PCDHA1: variants seen among roughly 807,000 people sequenced by gnomAD.
The protein encoded by PCDHA1 is protocadherin alpha-1.
A neutral mutation model predicts 61.3 loss-of-function variants in PCDHA1; 42 were observed. The observed-to-expected ratio is 0.69, with a 90% CI of 0.54 to 0.89. The LOEUF (loss-of-function observed/expected upper bound fraction) is 0.89, where lower values mean the gene tolerates loss of function less well. Ranked by LOEUF, PCDHA1 falls within the 40% of genes least tolerant of loss-of-function variation. The probability of loss-of-function intolerance (pLI) is 0.00; values close to 1 mark genes in which losing one functional copy is unlikely to be tolerated. For missense variants in PCDHA1, 1,256 were observed against 1,235.3 expected, an observed-to-expected ratio of 1.02 and a Z score of -0.25; for synonymous variants, 610 against 553.8, an observed-to-expected ratio of 1.10 and a Z score of -1.43.
intron 1 of PCDHA1, among the ~76,000 whole-genome samples, chr5:140,946,209 T>C (rs2153672553): frequency 6.6e-6 from 1 of 152,022 alleles, no homozygotes; most frequent in East Asian, 1.9e-4. Flanking sequence ...AGCACACAAA[T>C]GACCAACAGG....
chr5:140,850,566 G>GTGAC (rs1554144512), intron 1 of PCDHA1: 1 of 1,598,448 alleles, frequency 6.3e-7, no homozygotes, highest in Admixed American at 1.7e-5. Flanking sequence ...GGGCCCCGAG[G>GTGAC]TGACGCTGGT....
chr5:140,930,055 A>G (rs1249446079), intron 1 of PCDHA1: 2 of 152,206 alleles, frequency 1.3e-5, no homozygotes, highest in Admixed American at 6.5e-5. Context: ...GTTTTTGCTT[A>G]CACAAAAACT....
At chr5:140,853,997 T>C in intron 1 of PCDHA1, 1 of 465,218 alleles carries the variant, frequency 2.1e-6, no homozygotes, top group Non-Finnish European at 2.9e-6. Flanking sequence ...GACTCATCTC[T>C]GCCAAAAAAA....
chr5:140,970,018 C>G (rs1383957568), intron 1 of PCDHA1, among the ~76,000 whole-genome samples: 9 of 151,942 alleles, frequency 5.9e-5, no homozygotes, highest in African/African-American at 2.2e-4. Context: ...GATGGTGAGG[C>G]AGAGAGATTA....
At chr5:140,966,267 G>T (rs141363782) in intron 1 of PCDHA1, 112 of 351,092 alleles carry the variant, frequency 3.2e-4, no homozygotes, top group Non-Finnish European at 4.7e-4. Context: ...GAGACTGGAT[G>T]AACTGGACAG....
intron 1 of PCDHA1, among the ~76,000 whole-genome samples, chr5:140,840,117 TG>T (rs1426116905): frequency 6.6e-6 from 1 of 151,944 alleles, no homozygotes; most frequent in African/African-American, 2.4e-5. Flanking sequence ...GAGTGAAAGC[TG>T]TACTAATAAG....
intron 1 of PCDHA1, chr5:140,836,897 G>C: frequency 3.3e-6 from 2 of 603,578 alleles, no homozygotes; most frequent in Non-Finnish European, 5.5e-6. Flanking sequence ...TTGGAAGTAC[G>C]TTTAATATAC....
chr5:140,833,938 G>A, intron 1 of PCDHA1, among the ~76,000 whole-genome samples: 1 of 152,088 alleles, frequency 6.6e-6, no homozygotes, highest in East Asian at 1.9e-4. Flanking sequence ...TTGTCACTTA[G>A]GTTTCTATCT....
At chr5:140,803,650 C>G (rs1262612069) in intron 1 of PCDHA1, 2 of 1,611,864 alleles carry the variant, frequency 1.2e-6, no homozygotes, top group Non-Finnish European at 1.7e-6. Flanking sequence ...CTCAATGTTT[C>G]CACTCCTCTG....
intron 1 of PCDHA1, among the ~76,000 whole-genome samples, chr5:140,903,411 A>G (rs265314): frequency 0.015 from 2,274 of 152,338 alleles, 53 homozygotes; most frequent in African/African-American, 0.052. Flanking sequence ...TGCAGTCAGG[A>G]AAAATTCAGC....
intron 1 of PCDHA1, among the ~76,000 whole-genome samples, chr5:140,819,573 A>C (rs1194033373): frequency 6.6e-6 from 1 of 152,184 alleles, no homozygotes; most frequent in Non-Finnish European, 1.5e-5. Context: ...GCTTAGAAGA[A>C]GATTTTTTAA....
At chr5:140,976,894 CAGT>C (rs1199753516) in intron 1 of PCDHA1, among the ~76,000 whole-genome samples, 1 of 152,132 alleles carries the variant, frequency 6.6e-6, no homozygotes, top group African/African-American at 2.4e-5. Context: ...ATACATGCAA[CAGT>C]ATGTAATAAA....
At chr5:140,830,537 G>A (rs2150187557) in intron 1 of PCDHA1, 1 of 1,226,140 alleles carries the variant, frequency 8.2e-7, no homozygotes, top group Non-Finnish European at 1.1e-6. Flanking sequence ...ATTTATAATT[G>A]TTTTCCTCAT....
chr5:140,931,414 T>C (rs2087515742), intron 1 of PCDHA1, among the ~76,000 whole-genome samples: 1 of 151,886 alleles, frequency 6.6e-6, no homozygotes, highest in Non-Finnish European at 1.5e-5. Context: ...GGCTGATGAA[T>C]CTAGAAGTTA....
chr5:140,956,885 T>A (rs1156888418), intron 1 of PCDHA1, among the ~76,000 whole-genome samples: 1 of 152,194 alleles, frequency 6.6e-6, no homozygotes, highest in Non-Finnish European at 1.5e-5. Flanking sequence ...TAGATATCAA[T>A]GAATGAATAT....
rs1285443769 is a variant in PCDHA1, at chr5:141,010,273, G to A, written c.*336G>A. 3.9e-6 allele frequency: 6 copies of A among 1,551,420 alleles called. No individual in the cohort carries two copies. The African/African-American group carries it at 8.2e-5, about 21-fold the overall frequency. Reference sequence around the variant, plus strand: ...CTCTGCCCTGTGCTCCGGGGATCCTGTCTTGATGACACTTGCAGGGCAGGC... The same window carrying A: ...CTCTGCCCTGTGCTCCGGGGATCCTATCTTGATGACACTTGCAGGGCAGGC... On this transcript the variant is annotated 3_prime_UTR_variant, in exon 4 of 4. Coordinates refer to ENST00000504120, the MANE Select transcript of PCDHA1 (RefSeq NM_018900.4).
chr5:140,966,260 A>C, intron 1 of PCDHA1: 1 of 339,990 alleles, frequency 2.9e-6, no homozygotes, highest in Admixed American at 4.8e-5. Context: ...GACGGTGGAG[A>C]CTGGATGAAC....
In PCDHA1 at chr5:140,870,564, G is replaced by A. The variant is rs782511789; in HGVS notation, c.2394+81880G>A. ...GGGACGCGGACGCGCAGGAGAACGCGCTGGTGTCCTACTCGCTGGTGGAGC... is the reference window on the plus strand; with the variant it reads ...GGGACGCGGACGCGCAGGAGAACGCACTGGTGTCCTACTCGCTGGTGGAGC... On this transcript the variant is annotated intron_variant, in intron 1 of 3. Coordinates refer to ENST00000504120, the MANE Select transcript of PCDHA1 (RefSeq NM_018900.4). 2.5e-6 allele frequency: 4 copies of A among 1,613,884 alleles called. No individual in the cohort carries two copies. In the African/African-American group the frequency reaches 4.0e-5, roughly 16 times the overall value.
At chr5:140,810,520 T>C (rs1764674598) in intron 1 of PCDHA1, 1 of 152,260 alleles carries the variant, frequency 6.6e-6, no homozygotes, top group Non-Finnish European at 1.5e-5. Flanking sequence ...TTAGCCATTT[T>C]ACTGGGTGAC....
Sources: allele counts gnomAD v4.1 joint callset (sites outside exome capture counted in the v4.1 genomes callset), GRCh38; gene constraint gnomAD v4.1.1; transcripts MANE v1.5; gene names NCBI Gene and HGNC (gene_info 2026-07-23, HGNC 2026-07-21).